Variants in KRCC1 observed in about 807,000 individuals in gnomAD.
KRCC1 encodes the protein lysine-rich coiled-coil protein 1.
Under a neutral mutation model 7.4 loss-of-function variants are expected in KRCC1, and 3 were observed. The ratio of observed to expected loss-of-function variants is 0.40; its 90% confidence interval spans 0.18 to 1.04. The LOEUF (loss-of-function observed/expected upper bound fraction) is 1.04. Among genes scored for constraint, KRCC1 ranks in the 50% least tolerant of loss-of-function variants. KRCC1 has a pLI of 0.33. For missense variants in KRCC1, 277 were observed against 300.9 expected, an observed-to-expected ratio of 0.92 and a Z score of 0.59; for synonymous variants, 102 against 101.6, an observed-to-expected ratio of 1.00 and a Z score of -0.02.
chr2:88,036,625 T>G (rs1040144270), intron 2 of KRCC1, among the ~76,000 whole-genome samples: 3 of 152,202 alleles, frequency 2.0e-5, no homozygotes, highest in Non-Finnish European at 2.9e-5. Context: ...TAATATCTCT[T>G]GACTTATATT....
intron 1 of KRCC1, among the ~76,000 whole-genome samples, chr2:88,040,106 A>G (rs1047205547): frequency 3.9e-5 from 6 of 152,214 alleles, no homozygotes; most frequent in African/African-American, 1.4e-4. Context: ...GAAGCTCAAG[A>G]TATCTTAAAA....
At chr2:88,031,218 G>A (rs962718106) in intron 3 of KRCC1, among the ~76,000 whole-genome samples, 1 of 152,124 alleles carries the variant, frequency 6.6e-6, no homozygotes, top group Non-Finnish European at 1.5e-5. Context: ...CCCCCCAGTG[G>A]GACAAGATGT....
intron 1 of KRCC1, among the ~76,000 whole-genome samples, chr2:88,044,492 G>T (rs1673287602): frequency 6.6e-6 from 1 of 152,034 alleles, no homozygotes; most frequent in South Asian, 2.1e-4. Context: ...CTTACATCTA[G>T]AAGATATAAA....
At chr2:88,042,316 T>A (rs909566292) in intron 1 of KRCC1, among the ~76,000 whole-genome samples, 2 of 152,164 alleles carry the variant, frequency 1.3e-5, no homozygotes, top group African/African-American at 4.8e-5. Context: ...CCCCTCGGAA[T>A]CCCAAAGTCC....
intron 3 of KRCC1, among the ~76,000 whole-genome samples, chr2:88,033,396 C>T (rs1673031724): frequency 6.6e-6 from 1 of 152,080 alleles, no homozygotes; most frequent in South Asian, 2.1e-4. Flanking sequence ...TGTGGTGGCA[C>T]ATGCCTGTAG....
chr2:88,041,310 G>A (rs1033183152), intron 1 of KRCC1, among the ~76,000 whole-genome samples: 8 of 152,192 alleles, frequency 5.3e-5, no homozygotes, highest in South Asian at 2.1e-4. Flanking sequence ...GAGAAAGTAA[G>A]GAAGAGGAAG....
intron 1 of KRCC1, among the ~76,000 whole-genome samples, chr2:88,054,469 T>C (rs2104633940): frequency 6.6e-6 from 1 of 152,296 alleles, no homozygotes; most frequent in East Asian, 1.9e-4. Flanking sequence ...CTCAAGGACC[T>C]GAAAGCCATC....
intron 1 of KRCC1, among the ~76,000 whole-genome samples, chr2:88,047,717 C>G (rs963963832): frequency 6.6e-6 from 1 of 151,424 alleles, no homozygotes; most frequent in Non-Finnish European, 1.5e-5. Context: ...TTTAGTAGAA[C>G]CGGGGTTTCA....
rs1322207672 is a variant in KRCC1, at chr2:88,055,742, ACCGCCGCCT to A, written c.-416_-408del. 6.5e-6 allele frequency: 1 copy of A among 153,934 alleles called. No individual in the cohort carries two copies. Among genetic ancestry groups the A allele is most frequent in the Non-Finnish European group, 1.4e-5 (1 of 69,422 alleles). The allele number at this position is 153,934 out of a possible 1,614,324, so 9.5% of individuals were successfully genotyped here. Reference sequence around the variant, plus strand: ...AGAGGCAGGAACAACCGCTGCCGCCACCGCCGCCTCCGCCGCCGAGCAGGCTGGATGGGA... The same window carrying A: ...AGAGGCAGGAACAACCGCTGCCGCCACCGCCGCCGAGCAGGCTGGATGGGA... On this transcript the variant is annotated 5_prime_UTR_variant, in exon 1 of 4. Transcript: ENST00000347055.
At chr2:88,051,225 C>T (rs1037277844) in intron 1 of KRCC1, among the ~76,000 whole-genome samples, 1 of 152,168 alleles carries the variant, frequency 6.6e-6, no homozygotes, top group Non-Finnish European at 1.5e-5. Context: ...CATGAACAAC[C>T]TTTGCCAATT....
chr2:88,040,310 G>T (rs1673181349), intron 1 of KRCC1, among the ~76,000 whole-genome samples: 1 of 152,088 alleles, frequency 6.6e-6, no homozygotes, highest in Non-Finnish European at 1.5e-5. Flanking sequence ...AGTCATGTCT[G>T]TTCTAGCTTT....
intron 1 of KRCC1, among the ~76,000 whole-genome samples, chr2:88,042,513 G>C (rs1291022567): frequency 1.3e-5 from 2 of 151,426 alleles, no homozygotes; most frequent in East Asian, 3.9e-4. Flanking sequence ...TAACTCCCGG[G>C]CTCAAGTGAT....
chr2:88,027,678 TAAAG>T lies in KRCC1; in HGVS notation c.*102_*105del, dbSNP rs1032789715. 18 of 964,914 alleles carry T rather than the reference TAAAG, an allele frequency of 1.9e-5. No homozygotes were observed. The East Asian group carries it at 2.2e-4, about 12-fold the overall frequency. 59.8% of individuals were successfully genotyped at this position (964,914 alleles called of 1,614,324 possible). On this transcript the variant is annotated 3_prime_UTR_variant, in exon 4 of 4. Transcript: ENST00000347055. ...TGTTTACTAGGCCTTTGTTAGAAGT[TAAAG>T]AACCTATTCACATAAGAAAAGTGGT...
At chr2:88,029,917 G>A (rs924255392) in intron 3 of KRCC1, among the ~76,000 whole-genome samples, 10 of 148,428 alleles carry the variant, frequency 6.7e-5, no homozygotes, top group African/African-American at 2.2e-4. Flanking sequence ...GCACGATCTC[G>A]TCTCACTGCA....
intron 1 of KRCC1, among the ~76,000 whole-genome samples, chr2:88,037,943 A>G (rs1164777004): frequency 1.3e-5 from 2 of 152,264 alleles, no homozygotes; most frequent in Non-Finnish European, 2.9e-5. Flanking sequence ...AACAGCTAAA[A>G]TTTATTTTAT....
chr2:88,054,313 T>C (rs1673564580), intron 1 of KRCC1, among the ~76,000 whole-genome samples: 1 of 152,150 alleles, frequency 6.6e-6, no homozygotes, highest in South Asian at 2.1e-4. Context: ...GTCAAAAAAA[T>C]TTTTACTGTT....
chr2:88,040,132 C>T (rs1673177424), intron 1 of KRCC1, among the ~76,000 whole-genome samples: 1 of 152,174 alleles, frequency 6.6e-6, no homozygotes, highest in African/African-American at 2.4e-5. Flanking sequence ...CAATAATTTC[C>T]TTCCTGGTTC....
At chr2:88,033,474 C>T (rs1296619800) in intron 3 of KRCC1, among the ~76,000 whole-genome samples, 1 of 151,814 alleles carries the variant, frequency 6.6e-6, no homozygotes, top group African/African-American at 2.4e-5. Context: ...TGCAGTGAGC[C>T]AAGATTGCAC....
Position 88,029,626 on chromosome 2 carries a change from CAG to C in KRCC1, c.-22-1043_-22-1042del, listed in dbSNP as rs530307804. ...CTGGTGAGAGGAATAAGGGAAGAAA[CAG>C]GGGTGAAAACTGAAAAGGGATAGGA... is the stretch of plus-strand genomic sequence containing the variant. On this transcript the variant is annotated intron_variant, in intron 3 of 3. Coordinates refer to ENST00000347055, the MANE Select transcript of KRCC1 (RefSeq NM_016618.3). 1.4e-4 allele frequency among the ~76,000 whole-genome samples: 21 copies of C among 151,790 alleles called. 1 individual carries two copies. Among genetic ancestry groups the C allele is most frequent in the South Asian group, 4.2e-4 (2 of 4,810 alleles).
Sources: gnomAD v4.1 joint callset for allele counts (sites outside exome capture counted in the v4.1 genomes callset) on GRCh38, gnomAD v4.1.1 for gene constraint, MANE v1.5 for transcripts, NCBI Gene and HGNC (gene_info 2026-07-23, HGNC 2026-07-21) for gene names.